Variants in CELF2 observed in about 807,000 individuals in gnomAD.
CELF2 encodes the protein CUG triplet repeat RNA-binding protein 2.
CELF2 carries 8 observed loss-of-function variants against 62.6 expected under a neutral mutation model. The observed-to-expected ratio is 0.13, with a 90% CI of 0.07 to 0.23. The LOEUF is 0.23. Among genes scored for constraint, CELF2 ranks in the 10% least tolerant of loss-of-function variants. The probability of loss-of-function intolerance (pLI) is 1.00; values close to 1 mark genes in which losing one functional copy is unlikely to be tolerated. For synonymous variants in CELF2, 258 were observed against 250.0 expected, an observed-to-expected ratio of 1.03 and a Z score of -0.30; for missense variants, 333 against 671.0, an observed-to-expected ratio of 0.50 and a Z score of 5.56.
At chr10:10,943,072 C>T (rs368709808) in intron 2 of CELF2, among the ~76,000 whole-genome samples, 78 of 152,312 alleles carry the variant, frequency 5.1e-4, no homozygotes, top group African/African-American at 1.8e-3. Context: ...GCACCTGCTG[C>T]CTGTTAACCA....
intron 8 of CELF2, among the ~76,000 whole-genome samples, chr10:11,277,888 T>C (rs781110091): frequency 6.6e-6 from 1 of 152,242 alleles, no homozygotes; most frequent in Non-Finnish European, 1.5e-5. Flanking sequence ...GTAATTTTTC[T>C]GTATTACATT....
At chr10:10,514,075 G>T in the CELF2 span, among the ~76,000 whole-genome samples, 1 of 152,214 alleles carries the variant, frequency 6.6e-6, no homozygotes, top group African/African-American at 2.4e-5. Context: ...TGGGTAGATT[G>T]CTGACAGGTT....
chr10:10,956,914 G>A (rs1293130755), intron 2 of CELF2, among the ~76,000 whole-genome samples: 2 of 151,436 alleles, frequency 1.3e-5, no homozygotes, highest in Non-Finnish European at 2.9e-5. Flanking sequence ...AGCCTGGGCG[G>A]TAGACCAAGA....
In CELF2 at chr10:11,160,645, CAAAAAA is replaced by C. The variant is rs35755036; in HGVS notation, c.75-4827_75-4822del. ...CACTGACGTGGATTATCCCAAGGAT[CAAAAAA>C]AAAAAAAAAAAAAGAGTATTGGAGT... On this transcript the variant is annotated intron_variant, in intron 1 of 12. Coordinates refer to ENST00000633077, the MANE Select transcript of CELF2 (RefSeq NM_001326342.2). 6.2e-3 allele frequency among the ~76,000 whole-genome samples: 599 copies of C among 96,868 alleles called. 5 individuals carry two copies. The highest frequency in any genetic ancestry group is 0.026 in the Middle Eastern group (5 of 192). 63.5% of individuals were successfully genotyped at this position (96,868 alleles called of 152,430 possible). A position where few individuals can be genotyped will look rare whatever the true frequency, so the allele number is the denominator to read the frequency against.
At chr10:10,532,478 A>C in the CELF2 span, among the ~76,000 whole-genome samples, 213 of 152,334 alleles carry the variant, frequency 1.4e-3, 1 homozygote, top group African/African-American at 4.9e-3. Flanking sequence ...CACAGTTGGA[A>C]CCCTAAGAGT....
At chr10:10,831,770 G>A (rs1289028185) in intron 1 of CELF2, among the ~76,000 whole-genome samples, 2 of 152,180 alleles carry the variant, frequency 1.3e-5, no homozygotes, top group African/African-American at 2.4e-5. Flanking sequence ...TCAGGAGTTC[G>A]AGACCAGCCT....
At chr10:10,549,140 G>A in the CELF2 span, among the ~76,000 whole-genome samples, 50 of 152,298 alleles carry the variant, frequency 3.3e-4, no homozygotes, top group South Asian at 4.6e-3. Flanking sequence ...AGCTAGAGAA[G>A]ATGTCTTTGT....
the CELF2 span, among the ~76,000 whole-genome samples, chr10:10,552,719 A>G: frequency 1.3e-5 from 2 of 152,170 alleles, no homozygotes; most frequent in Admixed American, 6.5e-5. Context: ...CATGGGGAGC[A>G]TTTGGTATTG....
the CELF2 span, among the ~76,000 whole-genome samples, chr10:10,767,873 G>C: frequency 1.4e-5 from 2 of 139,586 alleles, no homozygotes; most frequent in African/African-American, 2.7e-5. Flanking sequence ...GCGGGCGCCT[G>C]TAGTCCCAGC....
chr10:10,501,341 A>T, the CELF2 span, among the ~76,000 whole-genome samples: 2 of 152,048 alleles, frequency 1.3e-5, no homozygotes, highest in Non-Finnish European at 2.9e-5. Context: ...TTTAATTTGC[A>T]CTTTGCTACT....
chr10:10,924,010 C>T (rs1284444940), intron 2 of CELF2: 1 of 152,018 alleles, frequency 6.6e-6, no homozygotes, highest in Admixed American at 6.5e-5. Context: ...TTAAATAAAT[C>T]ATGGTGAAAC....
At chr10:11,045,977 T>C (rs1481195481) in intron 1 of CELF2, among the ~76,000 whole-genome samples, 1 of 152,210 alleles carries the variant, frequency 6.6e-6, no homozygotes, top group Non-Finnish European at 1.5e-5. Flanking sequence ...CTGAAGCCTC[T>C]AGGGGTAGAG....
chr10:10,854,406 GC>G (rs1226948654), intron 1 of CELF2, among the ~76,000 whole-genome samples: 1 of 152,156 alleles, frequency 6.6e-6, no homozygotes, highest in Non-Finnish European at 1.5e-5. Flanking sequence ...CCTACAAATG[GC>G]TCCTTCTGAA....
At chr10:10,883,679 G>A (rs944630826) in intron 1 of CELF2, among the ~76,000 whole-genome samples, 11 of 152,134 alleles carry the variant, frequency 7.2e-5, no homozygotes, top group South Asian at 2.1e-4. Context: ...GAGACGGTGC[G>A]GAGTCCTGTG....
At chr10:11,101,308 T>A (rs1373431611) in intron 1 of CELF2, among the ~76,000 whole-genome samples, 1 of 152,192 alleles carries the variant, frequency 6.6e-6, no homozygotes, top group Non-Finnish European at 1.5e-5. Flanking sequence ...GAAAATAGGA[T>A]GTACAGATCG....
At chr10:10,652,582 A>G in the CELF2 span, among the ~76,000 whole-genome samples, 3 of 149,492 alleles carry the variant, frequency 2.0e-5, no homozygotes, top group South Asian at 2.2e-4. Context: ...ATTCTTAAAG[A>G]AAAGAATTTT....
At chr10:10,506,624 C>G in the CELF2 span, among the ~76,000 whole-genome samples, 1 of 148,236 alleles carries the variant, frequency 6.7e-6, no homozygotes, top group South Asian at 2.1e-4. Flanking sequence ...GGAAGAATGC[C>G]TAAACAATGC....
At chr10:10,598,050 T>C in the CELF2 span, among the ~76,000 whole-genome samples, 36,800 of 152,106 alleles carry the variant, frequency 0.24, 4,981 homozygotes, top group South Asian at 0.51. Context: ...AGGAACCCTT[T>C]GGTATCTGGG....
At chr10:10,704,925 A>G in the CELF2 span, among the ~76,000 whole-genome samples, 1 of 149,288 alleles carries the variant, frequency 6.7e-6, no homozygotes, top group Non-Finnish European at 1.5e-5. Flanking sequence ...ATGGTGGCTC[A>G]TGCCTGTAAT....
Sources: allele counts gnomAD v4.1 joint callset (sites outside exome capture counted in the v4.1 genomes callset), GRCh38; gene constraint gnomAD v4.1.1; transcripts MANE v1.5; gene names NCBI Gene and HGNC (gene_info 2026-07-23, HGNC 2026-07-21).